SOS1: variants seen among roughly 807,000 people sequenced by gnomAD.
The protein encoded by SOS1 is son of sevenless homolog 1.
In SOS1, 25 loss-of-function variants were observed where a neutral mutation model predicts 157.6. That is an observed-to-expected ratio of 0.16 (90% CI 0.12 to 0.22). The LOEUF (loss-of-function observed/expected upper bound fraction) is 0.22, where lower values mean the gene tolerates loss of function less well. Ranked by LOEUF, SOS1 falls within the 10% of genes least tolerant of loss-of-function variation. The probability of loss-of-function intolerance (pLI) is 1.00; values close to 1 mark genes in which losing one functional copy is unlikely to be tolerated. For missense variants in SOS1, 1,237 were observed against 1,599.1 expected (o/e 0.77, Z 3.86); for synonymous variants, 528 against 534.0 (o/e 0.99, Z 0.16).
intron 20 of SOS1, among the ~76,000 whole-genome samples, chr2:38,989,605 T>G (rs1304912124): frequency 1.3e-5 from 2 of 152,116 alleles, no homozygotes; most frequent in Non-Finnish European, 2.9e-5. Flanking sequence ...AGAAACCCAA[T>G]TCAAGCAAAA....
chr2:39,058,389 T>G (rs866376352), intron 3 of SOS1, among the ~76,000 whole-genome samples: 8 of 109,840 alleles, frequency 7.3e-5, no homozygotes, highest in Middle Eastern at 4.3e-3. Context: ...ATTCTCTTTG[T>G]GGTCCTAATT....
intron 17 of SOS1, among the ~76,000 whole-genome samples, chr2:38,998,019 C>T (rs1427395150): frequency 2.0e-5 from 3 of 152,154 alleles, no homozygotes; most frequent in African/African-American, 4.8e-5. Flanking sequence ...GAAGGTTTTG[C>T]AAGCCTGTCA....
At chr2:39,074,799 G>A (rs187137665) in intron 1 of SOS1, among the ~76,000 whole-genome samples, 25 of 151,870 alleles carry the variant, frequency 1.6e-4, no homozygotes, top group African/African-American at 3.1e-4. Flanking sequence ...CCCGGGAGGC[G>A]GAGGTTGTGG....
chr2:38,985,606 A>C lies in SOS1; in HGVS notation c.*218T>G, dbSNP rs1258255790. On this transcript the variant is annotated 3_prime_UTR_variant, in exon 23 of 23. Coordinates refer to ENST00000402219, the MANE Select transcript of SOS1 (RefSeq NM_005633.4). ...ATTTTCAGGTGCAATCAGTTGTCCA[A>C]TTCCTCTAGGTCGGTCTTTCCATAT... 3 of 551,094 alleles carry C rather than the reference A, an allele frequency of 5.4e-6. No individual in the cohort carries two copies. The highest frequency in any genetic ancestry group is 4.1e-5 in the South Asian group (2 of 48,828). 34.1% of individuals were successfully genotyped at this position (551,094 alleles called of 1,614,324 possible). A position where few individuals can be genotyped will look rare whatever the true frequency, so the allele number is the denominator to read the frequency against.
intron 6 of SOS1, among the ~76,000 whole-genome samples, chr2:39,046,495 C>CTTTTTT (rs201639147): frequency 6.4e-5 from 8 of 124,380 alleles, no homozygotes; most frequent in African/African-American, 2.6e-4. Flanking sequence ...GAGACAGTGT[C>CTTTTTT]TTTTTTTTTT....
chr2:39,120,530 C>A lies in SOS1; in HGVS notation c.-108G>T, dbSNP rs1341186546. 8 of 1,115,856 alleles carry A rather than the reference C, an allele frequency of 7.2e-6. No individual in the cohort carries two copies. The highest frequency in any genetic ancestry group is 9.7e-5 in the East Asian group (2 of 20,586). The allele number at this position is 1,115,856 out of a possible 1,614,324, so 69.1% of individuals were successfully genotyped here. A position where few individuals can be genotyped will look rare whatever the true frequency, so the allele number is the denominator to read the frequency against. On this transcript the variant is annotated 5_prime_UTR_variant, in exon 1 of 23. Coordinates refer to ENST00000402219, the MANE Select transcript of SOS1 (RefSeq NM_005633.4). ...GGAACAGGGCCGCGGCCCCACCGGA[C>A]GGCCCGGCCCCCTCCGGGCGCCGCG...
At chr2:39,041,246 A>C (rs1038715396) in intron 6 of SOS1, among the ~76,000 whole-genome samples, 3 of 152,156 alleles carry the variant, frequency 2.0e-5, no homozygotes, top group African/African-American at 7.2e-5. Context: ...TTGTAAAGAC[A>C]GGGTCTCACT....
intron 1 of SOS1, among the ~76,000 whole-genome samples, chr2:39,114,326 G>GGAGTGCAA (rs1673562794): frequency 6.8e-6 from 1 of 147,342 alleles, no homozygotes; most frequent in Non-Finnish European, 1.5e-5. Flanking sequence ...TTTCTGAGAT[G>GGAGTGCAA]GAGTTTCACT....
At chr2:39,053,782 T>C (rs1398140832) in intron 5 of SOS1, among the ~76,000 whole-genome samples, 6 of 152,144 alleles carry the variant, frequency 3.9e-5, no homozygotes, top group African/African-American at 1.4e-4. Context: ...AGTAATCCTT[T>C]GTCTAAGTTT....
chr2:39,076,714 A>G (rs756648829), intron 1 of SOS1, among the ~76,000 whole-genome samples: 9 of 152,192 alleles, frequency 5.9e-5, no homozygotes, highest in Non-Finnish European at 1.2e-4. Context: ...TAAAAGAACT[A>G]CCTTTAAAAC....
At chr2:39,104,487 G>C (rs1051799307) in intron 1 of SOS1, among the ~76,000 whole-genome samples, 4 of 152,150 alleles carry the variant, frequency 2.6e-5, no homozygotes, top group Non-Finnish European at 5.9e-5. Context: ...TAGAGAAATT[G>C]ACATGTGTAC....
At chr2:39,079,062 CAAAAAAAAA>C (rs10608351) in intron 1 of SOS1, among the ~76,000 whole-genome samples, 8 of 39,996 alleles carry the variant, frequency 2.0e-4, no homozygotes, top group East Asian at 7.9e-4. Flanking sequence ...CTCTGTCTCC[CAAAAAAAAA>C]AAAAAAAAAA....
chr2:39,095,312 C>T (rs557893971), intron 1 of SOS1, among the ~76,000 whole-genome samples: 2 of 152,164 alleles, frequency 1.3e-5, no homozygotes, highest in Admixed American at 6.5e-5. Context: ...TCTAGAGACT[C>T]CAGTTTGAGA....
At chr2:39,079,484 C>T (rs904105382) in intron 1 of SOS1, among the ~76,000 whole-genome samples, 3 of 123,350 alleles carry the variant, frequency 2.4e-5, no homozygotes, top group Admixed American at 9.5e-5. Context: ...TAAAAGTGTT[C>T]GAATTTTTTT....
intron 2 of SOS1, among the ~76,000 whole-genome samples, chr2:39,060,237 C>G (rs1367974205): frequency 6.6e-6 from 1 of 152,094 alleles, no homozygotes; most frequent in Non-Finnish European, 1.5e-5. Flanking sequence ...TGGTACAAAC[C>G]TAATCATGTT....
At chr2:39,031,396 C>G (rs1670156276) in intron 8 of SOS1, among the ~76,000 whole-genome samples, 1 of 152,070 alleles carries the variant, frequency 6.6e-6, no homozygotes, top group African/African-American at 2.4e-5. Context: ...AAAGTTAATA[C>G]CTTTGTGGAA....
At chr2:39,122,435 C>CA (rs1179830874), upstream of SOS1, among the ~76,000 whole-genome samples, 2 of 100,566 alleles carry the variant, frequency 2.0e-5, no homozygotes, top group African/African-American at 8.3e-5. Flanking sequence ...CGTTTCAATT[C>CA]AAAAAAAAAT....
intron 1 of SOS1, among the ~76,000 whole-genome samples, chr2:39,107,815 G>T (rs1673258099): frequency 6.6e-6 from 1 of 152,078 alleles, no homozygotes. Context: ...TCTACTCAGG[G>T]GATGGAGTTG....
intron 1 of SOS1, among the ~76,000 whole-genome samples, chr2:39,088,903 G>C (rs1359853623): frequency 6.6e-6 from 1 of 152,016 alleles, no homozygotes; most frequent in Non-Finnish European, 1.5e-5. Context: ...TTTTACAGAA[G>C]CTATACCATT....
Sources: gnomAD v4.1 joint callset for allele counts (sites outside exome capture counted in the v4.1 genomes callset) on GRCh38, gnomAD v4.1.1 for gene constraint, MANE v1.5 for transcripts, NCBI Gene and HGNC (gene_info 2026-07-23, HGNC 2026-07-21) for gene names.